Variants in MYO3B observed in about 807,000 individuals in gnomAD.
MYO3B encodes the protein myosin-IIIb.
In MYO3B, 156 loss-of-function variants were observed where a neutral mutation model predicts 174.6. The observed-to-expected ratio is 0.89, with a 90% CI of 0.78 to 1.02. The LOEUF (loss-of-function observed/expected upper bound fraction) is 1.02. MYO3B is among the 50% of genes least tolerant of loss of function. The pLI is 0.00. For synonymous variants in MYO3B, 563 were observed against 569.1 expected, an observed-to-expected ratio of 0.99 and a Z score of 0.15; for missense variants, 1,632 against 1,639.4, an observed-to-expected ratio of 1.00 and a Z score of 0.08.
intron 1 of MYO3B, chr2:170,180,277 C>G: frequency 3.1e-6 from 1 of 324,686 alleles, no homozygotes; most frequent in Admixed American, 3.2e-5. Context: ...AACTAGCTCA[C>G]GAGAAACTCA....
intron 7 of MYO3B, among the ~76,000 whole-genome samples, chr2:170,257,337 G>A (rs115782491): frequency 2.0e-5 from 3 of 152,110 alleles, no homozygotes; most frequent in African/African-American, 7.2e-5. Flanking sequence ...ATTCTCAGCT[G>A]TAAGACAAGT....
chr2:170,576,755 T>C (rs6720616), intron 32 of MYO3B, among the ~76,000 whole-genome samples: 69,031 of 152,058 alleles, frequency 0.45, 16,142 homozygotes, highest in East Asian at 0.68. Context: ...CTTATAATTT[T>C]CTTATTCCTT....
At chr2:170,244,221 C>T (rs952616207) in intron 7 of MYO3B, among the ~76,000 whole-genome samples, 4 of 152,182 alleles carry the variant, frequency 2.6e-5, no homozygotes, top group Admixed American at 6.5e-5. Context: ...TAGGTTCAAC[C>T]TTCTCCAGGG....
chr2:170,628,168 G>C (rs1696626148), intron 32 of MYO3B, among the ~76,000 whole-genome samples: 1 of 152,084 alleles, frequency 6.6e-6, no homozygotes, highest in Non-Finnish European at 1.5e-5. Context: ...AGGCAGGCAG[G>C]CCTCCTTGAG....
chr2:170,644,039 A>C (rs1001990965), intron 32 of MYO3B: 2 of 152,208 alleles, frequency 1.3e-5, no homozygotes, highest in African/African-American at 4.8e-5. Context: ...AGCAAGTCAA[A>C]TGGAGTAGAA....
In MYO3B at chr2:170,369,242, A is replaced by C; in HGVS notation, c.836A>C (p.Glu279Ala). 1 of 1,613,368 alleles carries C rather than the reference A, an allele frequency of 6.2e-7. No individual in the cohort carries two copies. The highest frequency in any genetic ancestry group is 8.5e-7 in the Non-Finnish European group (1 of 1,179,508). The change falls in exon 9 of 35, where the codon GAA becomes GCA. Residue 279 changes from glutamate (E) to alanine (A), a missense_variant. Transcript: ENST00000408978. ...FISQCLIKDF[E>A]RRPSVTHLLD... is the part of the protein sequence containing the mutation. The stretch of plus-strand genomic sequence containing the variant: ...AACAGGTGTCTTATTAAGGATTTTG[A>C]AAGGCGACCTTCCGTCACACATCTC...
intron 25 of MYO3B, among the ~76,000 whole-genome samples, chr2:170,469,319 C>T (rs929861238): frequency 6.6e-6 from 1 of 152,116 alleles, no homozygotes; most frequent in African/African-American, 2.4e-5. Context: ...ATATACAAAG[C>T]CCACATTCTA....
intron 32 of MYO3B, among the ~76,000 whole-genome samples, chr2:170,586,390 T>C (rs571086473): frequency 1.3e-5 from 2 of 152,158 alleles, no homozygotes; most frequent in Non-Finnish European, 2.9e-5. Context: ...ACCAACGTGA[T>C]TTATGTGTTT....
At chr2:170,601,411 C>T (rs1694501298) in intron 32 of MYO3B, among the ~76,000 whole-genome samples, 1 of 152,156 alleles carries the variant, frequency 6.6e-6, no homozygotes, top group Admixed American at 6.5e-5. Flanking sequence ...AGGTTAGTGG[C>T]TATTGAAAAT....
intron 1 of MYO3B, among the ~76,000 whole-genome samples, chr2:170,190,748 T>G (rs530547329): frequency 3.9e-4 from 59 of 152,076 alleles, no homozygotes; most frequent in Non-Finnish European, 5.4e-4. Flanking sequence ...GGTAGTAGGC[T>G]TCCCCAACCC....
At chr2:170,431,792 C>A (rs1449941645) in intron 22 of MYO3B, among the ~76,000 whole-genome samples, 1 of 152,212 alleles carries the variant, frequency 6.6e-6, no homozygotes, top group Non-Finnish European at 1.5e-5. Context: ...TGGTCTCTTA[C>A]TTACTCTTGA....
intron 32 of MYO3B, among the ~76,000 whole-genome samples, chr2:170,648,979 TA>T (rs1698651699): frequency 1.0e-5 from 1 of 98,386 alleles, no homozygotes; most frequent in African/African-American, 4.3e-5. Context: ...ATATATAAAA[TA>T]ATATATAATG....
chr2:170,392,261 T>G (rs1467235141), intron 15 of MYO3B, 120 bp from the exon 16 acceptor site: 2 of 593,384 alleles, frequency 3.4e-6, no homozygotes, highest in African/African-American at 3.8e-5. Context: ...CCACTGCACT[T>G]CAGGCTGGGC....
At chr2:170,554,910 A>G (rs910892875) in intron 32 of MYO3B, among the ~76,000 whole-genome samples, 2 of 152,188 alleles carry the variant, frequency 1.3e-5, no homozygotes, top group South Asian at 2.1e-4. Context: ...CTTATTTGAT[A>G]TAATTGAAAC....
chr2:170,242,843 A>T (rs1025941319), intron 7 of MYO3B, among the ~76,000 whole-genome samples: 5 of 152,222 alleles, frequency 3.3e-5, no homozygotes, highest in African/African-American at 1.2e-4. Context: ...GTAGGCAAGG[A>T]AACAGAGCTC....
chr2:170,444,826 C>T (rs2094828631), intron 23 of MYO3B, among the ~76,000 whole-genome samples: 1 of 151,640 alleles, frequency 6.6e-6, no homozygotes, highest in Admixed American at 6.6e-5. Flanking sequence ...ATTGTAATAC[C>T]CTACATTTCA....
At chr2:170,390,828 A>C (rs1020524764) in intron 14 of MYO3B, among the ~76,000 whole-genome samples, 3 of 152,158 alleles carry the variant, frequency 2.0e-5, no homozygotes, top group African/African-American at 7.2e-5. Flanking sequence ...CAAATTAATT[A>C]TCAGAAAAAT....
intron 8 of MYO3B, among the ~76,000 whole-genome samples, chr2:170,345,833 A>G (rs59460399): frequency 0.031 from 4,749 of 151,202 alleles, 261 homozygotes; most frequent in African/African-American, 0.11. Context: ...GTGTACACAG[A>G]CAAACAGATA....
chr2:170,250,309 G>A (rs1285396839), intron 7 of MYO3B, among the ~76,000 whole-genome samples: 1 of 152,194 alleles, frequency 6.6e-6, no homozygotes, highest in Non-Finnish European at 1.5e-5. Flanking sequence ...AAAGGAAGTA[G>A]TTACTGGACC....
Sources: gnomAD v4.1 joint callset for allele counts (sites outside exome capture counted in the v4.1 genomes callset) on GRCh38, gnomAD v4.1.1 for gene constraint, MANE v1.5 for transcripts, NCBI Gene and HGNC (gene_info 2026-07-23, HGNC 2026-07-21) for gene names.